The following KIF1B variants were observed in gnomAD, a reference collection of about 807,000 sequenced individuals.
The protein encoded by KIF1B is kinesin-like protein KIF1B.
Under a neutral mutation model 241.9 loss-of-function variants are expected in KIF1B, and 76 were observed. That is an observed-to-expected ratio of 0.31 (90% CI 0.26 to 0.38). The LOEUF (loss-of-function observed/expected upper bound fraction) is 0.38, where lower values mean the gene tolerates loss of function less well. KIF1B is among the 10% of genes least tolerant of loss of function. The pLI is 1.00. For synonymous variants in KIF1B, 750 were observed against 796.7 expected (o/e 0.94, Z 0.99); for missense variants, 1,622 against 2,271.4 (o/e 0.71, Z 5.81).
At chr1:10,243,495 C>G (rs1647166471) in intron 2 of KIF1B, among the ~76,000 whole-genome samples, 1 of 152,190 alleles carries the variant, frequency 6.6e-6, no homozygotes, top group South Asian at 2.1e-4. Context: ...TAAGTTGTGC[C>G]AGGCACAATT....
intron 2 of KIF1B, among the ~76,000 whole-genome samples, chr1:10,240,764 T>G (rs946578548): frequency 1.4e-5 from 2 of 144,236 alleles, no homozygotes; most frequent in Non-Finnish European, 3.0e-5. Flanking sequence ...AGTTCTCACT[T>G]TGTTGCCCAG....
intron 27 of KIF1B, among the ~76,000 whole-genome samples, chr1:10,333,969 G>A (rs924156216): frequency 1.3e-5 from 2 of 151,652 alleles, no homozygotes; most frequent in African/African-American, 4.8e-5. Flanking sequence ...TGGCCAACAT[G>A]GTGAAACCCC....
intron 24 of KIF1B, 60 bp from the exon 25 acceptor site, chr1:10,323,824 C>T: frequency 1.5e-6 from 2 of 1,368,928 alleles, no homozygotes; most frequent in Non-Finnish European, 2.1e-6. Context: ...ATTGTATCGT[C>T]TCATCTCTGA....
chr1:10,263,383 T>G (rs1207130158), intron 5 of KIF1B, among the ~76,000 whole-genome samples: 1 of 151,204 alleles, frequency 6.6e-6, no homozygotes, highest in Non-Finnish European at 1.5e-5. Flanking sequence ...TGGTATTCAC[T>G]TTCATAGTAA....
chr1:10,336,190 C>T (rs1652168375), intron 28 of KIF1B, among the ~76,000 whole-genome samples: 1 of 152,166 alleles, frequency 6.6e-6, no homozygotes. Flanking sequence ...GCTCTGTTGC[C>T]CAGGCTGGAG....
chr1:10,353,376 A>G (rs991130319), intron 38 of KIF1B, among the ~76,000 whole-genome samples: 2 of 152,230 alleles, frequency 1.3e-5, no homozygotes, highest in East Asian at 3.8e-4. Flanking sequence ...GATAACAGAC[A>G]GTTCGTAAAG....
chr1:10,351,624 G>T (rs1462338847), intron 37 of KIF1B, among the ~76,000 whole-genome samples: 1 of 152,138 alleles, frequency 6.6e-6, no homozygotes, highest in African/African-American at 2.4e-5. Context: ...ATCCGCTAGT[G>T]TTAACTTGAA....
At chr1:10,225,715 A>G (rs1385369111) in intron 1 of KIF1B, among the ~76,000 whole-genome samples, 3 of 152,170 alleles carry the variant, frequency 2.0e-5, no homozygotes, top group African/African-American at 7.2e-5. Context: ...CTTGGGATGC[A>G]TTCTGGAAGT....
intron 41 of KIF1B, 75 bp downstream of exon 41, chr1:10,363,419 C>A: frequency 8.1e-7 from 1 of 1,234,468 alleles, no homozygotes. Flanking sequence ...AGGCTGGGCA[C>A]GGTGGCACAC....
At chr1:10,333,335 A>C (rs527262401) in intron 27 of KIF1B, among the ~76,000 whole-genome samples, 1 of 150,572 alleles carries the variant, frequency 6.6e-6, no homozygotes, top group African/African-American at 2.4e-5. Flanking sequence ...GCGCCATTGC[A>C]CTCCAGCCTG....
At chr1:10,307,260 G>C in intron 22 of KIF1B, 1 of 1,021,086 alleles carries the variant, frequency 9.8e-7, no homozygotes. Flanking sequence ...TAAGTAACTA[G>C]TGCCATGCTT....
chr1:10,295,003 C>CCTGG, intron 17 of KIF1B, 83 bp from the exon 18 acceptor site: 3 of 878,428 alleles, frequency 3.4e-6, no homozygotes, highest in Non-Finnish European at 5.9e-6. Flanking sequence ...GTTGGAGAAG[C>CCTGG]CTGGCCTCTT....
Position 10,295,229 on chromosome 1 carries a change from A to G in KIF1B, c.1670+64A>G, listed in dbSNP as rs997369508. 454 of 985,490 alleles carry G rather than the reference A, an allele frequency of 4.6e-4. 8 individuals are homozygous for G. In the South Asian group the frequency reaches 5.6e-3, roughly 12 times the overall value. The allele number at this position is 985,490 out of a possible 1,614,324, so 61.0% of individuals were successfully genotyped here. A position where few individuals can be genotyped will look rare whatever the true frequency, so the allele number is the denominator to read the frequency against. The stretch of plus-strand genomic sequence containing the variant: ...CCCCCTCTTAGATAATTGAATAACT[A>G]AAGGGAAGGGGTTGAAAAAATTAAC... On this transcript the variant is annotated intron_variant, in intron 18 of 48. Transcript: ENST00000676179.
chr1:10,226,691 G>A (rs188175737), intron 1 of KIF1B, among the ~76,000 whole-genome samples: 4 of 152,188 alleles, frequency 2.6e-5, no homozygotes, highest in African/African-American at 4.8e-5. Context: ...TTTTTAGGCC[G>A]AGTGTGGTGG....
chr1:10,365,282 TC>T lies in KIF1B; in HGVS notation c.4512+38del. 6.2e-7 allele frequency: 1 copy of T among 1,613,564 alleles called. No homozygotes were observed. ...CAGGGTTGTTCAGATGCAAGAACTC[TC>T]GGACAAGATTGCCAAAGTATCAGTC... On this transcript the variant is annotated intron_variant, in intron 42 of 48. Transcript: ENST00000676179. The surrounding 1 kb of genome is among the most constrained non-coding windows in gnomAD (Gnocchi z 4.0).
At chr1:10,244,475 C>T (rs187269364) in intron 2 of KIF1B, among the ~76,000 whole-genome samples, 38 of 151,644 alleles carry the variant, frequency 2.5e-4, no homozygotes, top group Non-Finnish European at 4.0e-4. Context: ...CTACTACGCC[C>T]GGCTAATTTT....
intron 27 of KIF1B, among the ~76,000 whole-genome samples, chr1:10,334,105 C>T (rs1450011002): frequency 6.9e-6 from 1 of 144,368 alleles, no homozygotes; most frequent in Non-Finnish European, 1.5e-5. Context: ...GAGCTGAGAT[C>T]GTGCCACTGT....
chr1:10,373,434 C>A (rs906921004), intron 45 of KIF1B, among the ~76,000 whole-genome samples: 1 of 150,336 alleles, frequency 6.7e-6, no homozygotes, highest in Non-Finnish European at 1.5e-5. Context: ...GGGGTTTCGC[C>A]ATGTTGGTCA....
Position 10,361,185 on chromosome 1 carries a change from C to G in KIF1B, c.4170+142C>G, listed in dbSNP as rs548696097. 4 of 711,124 alleles carry G rather than the reference C, an allele frequency of 5.6e-6. No individual in the cohort carries two copies. In the African/African-American group the frequency reaches 7.0e-5, roughly 12 times the overall value. 44.1% of individuals were successfully genotyped at this position (711,124 alleles called of 1,614,324 possible). ...TCCTTAAGTTTTTCATTTTATTATA[C>G]ATTGCTAACTCTTCTGATTATATTA... is the stretch of plus-strand genomic sequence containing the variant. On this transcript the variant is annotated intron_variant, in intron 39 of 48. Coordinates refer to ENST00000676179, the MANE Select transcript of KIF1B (RefSeq NM_001365951.3).
Sources: gnomAD v4.1 joint callset for allele counts (sites outside exome capture counted in the v4.1 genomes callset) on GRCh38, gnomAD v4.1.1 for gene constraint, Gnocchi (gnomAD v3.1) non-coding constraint, MANE v1.5 for transcripts, NCBI Gene and HGNC (gene_info 2026-07-23, HGNC 2026-07-21) for gene names.